The following ETS1 variants were observed in gnomAD, a reference collection of about 807,000 sequenced individuals.
ETS1 encodes the protein ETS proto-oncogene 1, transcription factor, also known as protein C-ets-1.
In ETS1, 15 loss-of-function variants were observed where a neutral mutation model predicts 58.6. The observed-to-expected ratio is 0.26, with a 90% CI of 0.17 to 0.39. The LOEUF (loss-of-function observed/expected upper bound fraction) is 0.39. Among genes scored for constraint, ETS1 ranks in the 10% least tolerant of loss-of-function variants. The probability of loss-of-function intolerance (pLI) is 1.00; values close to 1 mark genes in which losing one functional copy is unlikely to be tolerated. For missense variants in ETS1, 417 were observed against 610.5 expected, an observed-to-expected ratio of 0.68 and a Z score of 3.34; for synonymous variants, 214 against 218.2, an observed-to-expected ratio of 0.98 and a Z score of 0.17.
chr11:128,475,718 GT>G (rs1170093483), intron 8 of ETS1, among the ~76,000 whole-genome samples: 9 of 151,958 alleles, frequency 5.9e-5, no homozygotes, highest in African/African-American at 2.2e-4. Flanking sequence ...CGCCCAGCTA[GT>G]TTTTTGTATT....
At chr11:128,530,850 T>C (rs989424301) in intron 3 of ETS1, among the ~76,000 whole-genome samples, 13 of 152,196 alleles carry the variant, frequency 8.5e-5, no homozygotes, top group African/African-American at 3.1e-4. Context: ...TTCCACAGCA[T>C]TGAGAGAGAC....
intron 8 of ETS1, among the ~76,000 whole-genome samples, chr11:128,465,782 C>T (rs557573112): frequency 2.0e-4 from 31 of 151,284 alleles, no homozygotes; most frequent in African/African-American, 6.3e-4. Flanking sequence ...CTGTGAGTGA[C>T]GCTCTACACT....
rs34050831 is a variant in ETS1 at position 128,480,366 on chromosome 11, T to C, written c.948A>G (p.Ser316=). The change falls in exon 8 of 10, where the codon TCA becomes TCG. Residue 316 remains serine (S), a synonymous_variant. Transcript: ENST00000392668. ...GAACACGCTGCAGGCTGTTGAAAGA[T>C]GACTGGCTGCTCCAGGACTGGGTGA... is the stretch of plus-strand genomic sequence containing the variant. ...DRLTQSWSSQ[S]SFNSLQRVPS... 0.011 allele frequency: 18,072 copies of C among 1,613,998 alleles called. 160 individuals carry two copies. The highest frequency in any genetic ancestry group is 0.043 in the African/African-American group (3,261 of 74,972).
intron 3 of ETS1, among the ~76,000 whole-genome samples, chr11:128,535,020 T>C (rs1218033288): frequency 1.3e-5 from 2 of 152,260 alleles, no homozygotes; most frequent in Admixed American, 1.3e-4. Flanking sequence ...TCCACAATGG[T>C]TGAACAAATT....
chr11:128,502,192 G>A (rs2135483248), intron 3 of ETS1, among the ~76,000 whole-genome samples: 1 of 152,354 alleles, frequency 6.6e-6, no homozygotes, highest in Non-Finnish European at 1.5e-5. Flanking sequence ...GACCCAAGTT[G>A]GGAGGAAGAT....
At chr11:128,471,591 T>C (rs1862188922) in intron 8 of ETS1, among the ~76,000 whole-genome samples, 1 of 152,224 alleles carries the variant, frequency 6.6e-6, no homozygotes, top group Non-Finnish European at 1.5e-5. Context: ...AGTGGGTTTC[T>C]TTATAGCTCT....
At chr11:128,559,636 G>C (rs1244551531) in intron 2 of ETS1, among the ~76,000 whole-genome samples, 1 of 152,074 alleles carries the variant, frequency 6.6e-6, no homozygotes, top group Non-Finnish European at 1.5e-5. Flanking sequence ...CTTTACCAGG[G>C]GATGCTCCTG....
intron 8 of ETS1, among the ~76,000 whole-genome samples, chr11:128,471,932 G>A (rs1305854554): frequency 6.6e-6 from 1 of 152,298 alleles, no homozygotes; most frequent in Non-Finnish European, 1.5e-5. Context: ...GAAATCACTA[G>A]TTAGGTATAA....
chr11:128,504,514 C>T (rs980069083), intron 3 of ETS1, among the ~76,000 whole-genome samples: 1 of 152,222 alleles, frequency 6.6e-6, no homozygotes, highest in Admixed American at 6.5e-5. Flanking sequence ...GAAGGAGGAG[C>T]CAAGCTCTGC....
In ETS1 at chr11:128,536,047, G is replaced by A. The variant is rs80317200; in HGVS notation, c.214+20244C>T. On this transcript the variant is annotated intron_variant, in intron 3 of 9. Transcript: ENST00000392668. The stretch of plus-strand genomic sequence containing the variant: ...CTGTAAAATTAGACTCTGGCTGGCA[G>A]TAAGTTCTTTATTACTCTCCCTTAC... Among the ~76,000 whole-genome samples the A allele has an allele frequency of 5.4e-4, 82 of 152,332 alleles. 1 individual carries two copies. In the East Asian group the frequency reaches 0.015, roughly 27 times the overall value.
In ETS1 at chr11:128,463,884, C is replaced by G; in HGVS notation, c.1124-257G>C. ...ATTTTGATTAACTTAAGGATCGGTTCATTTTTATTGCTAAACAAATTCTAG... is the reference window on the plus strand; with the variant it reads ...ATTTTGATTAACTTAAGGATCGGTTGATTTTTATTGCTAAACAAATTCTAG... On this transcript the variant is annotated intron_variant, in intron 8 of 9. Coordinates refer to ENST00000392668, the MANE Select transcript of ETS1 (RefSeq NM_001143820.2). The surrounding 1 kb of genome is among the most constrained non-coding windows in gnomAD (Gnocchi z 4.1). 3.9e-6 allele frequency: 1 copy of G among 255,664 alleles called. No homozygotes were observed. The highest frequency in any genetic ancestry group is 6.8e-5 in the South Asian group (1 of 14,776). The allele number at this position is 255,664 out of a possible 1,614,324, so 15.8% of individuals were successfully genotyped here.
chr11:128,464,236 A>AG lies in ETS1; in HGVS notation c.1124-610dup, dbSNP rs1861974462. On this transcript the variant is annotated intron_variant, in intron 8 of 9. Coordinates refer to ENST00000392668, the MANE Select transcript of ETS1 (RefSeq NM_001143820.2). This position sits in a 1 kb window ranked among gnomAD's most constrained non-coding sequence, Gnocchi z 4.1. Reference sequence around the variant, plus strand: ...AGTCCACTTACAGGAAAGCACCCAAAGGAAAAAAAAAAAAAAGCATCATTA... The same window carrying AG: ...AGTCCACTTACAGGAAAGCACCCAAAGGGAAAAAAAAAAAAAAGCATCATTA... Among the ~76,000 whole-genome samples the AG allele has an allele frequency of 6.7e-6, 1 of 149,240 alleles. No individual in the cohort carries two copies. Among genetic ancestry groups the AG allele is most frequent in the Non-Finnish European group, 1.5e-5 (1 of 67,642 alleles).
At position 128,489,391 on chromosome 11, in the gene ETS1, T is replaced by C; in HGVS notation, c.434A>G (p.Asn145Ser). ...ACCCAGGGCGCAGAGGGCTGCTCCA[T>C]TCATACAGAACTTCTGGAAGTCTAC... ...KGVDFQKFCM[N>S]GAALCALGKD... The change falls in exon 5 of 10, where the codon AAT (asparagine) becomes AGT (serine). Residue 145 changes from asparagine to serine, a missense_variant. Transcript: ENST00000392668. 2 of 1,614,198 alleles carry C rather than the reference T, an allele frequency of 1.2e-6. No homozygotes were observed. Among genetic ancestry groups the C allele is most frequent in the Middle Eastern group, 1.6e-4 (1 of 6,062 alleles).
At chr11:128,584,320 G>A (rs1241396983) in intron 1 of ETS1, among the ~76,000 whole-genome samples, 1 of 152,210 alleles carries the variant, frequency 6.6e-6, no homozygotes. Flanking sequence ...TTGTGTAAAT[G>A]TCTTAGAGTT....
At chr11:128,575,256 T>A (rs1384117459) in intron 1 of ETS1, among the ~76,000 whole-genome samples, 1 of 152,212 alleles carries the variant, frequency 6.6e-6, no homozygotes, top group East Asian at 1.9e-4. Context: ...AACTAATACA[T>A]GACTAGAACA....
chr11:128,552,119 G>A (rs1864239704), intron 3 of ETS1, among the ~76,000 whole-genome samples: 1 of 152,056 alleles, frequency 6.6e-6, no homozygotes, highest in East Asian at 1.9e-4. Context: ...GCTGGTCTGG[G>A]GACCATGCTT....
At chr11:128,585,485 A>T (rs1865015897) in intron 1 of ETS1, among the ~76,000 whole-genome samples, 1 of 152,226 alleles carries the variant, frequency 6.6e-6, no homozygotes, top group Non-Finnish European at 1.5e-5. Flanking sequence ...ACCAATAATT[A>T]AAATCACAAG....
intron 1 of ETS1, among the ~76,000 whole-genome samples, chr11:128,575,900 T>A (rs1449823844): frequency 1.3e-5 from 2 of 152,242 alleles, no homozygotes; most frequent in Non-Finnish European, 2.9e-5. Context: ...AGCCACATCC[T>A]GAAGCCCACC....
chr11:128,480,614 G>T (rs1352343872), intron 7 of ETS1, among the ~76,000 whole-genome samples, 163 bp from the exon 8 acceptor site: 1 of 152,170 alleles, frequency 6.6e-6, no homozygotes. Context: ...GGGGTCATGG[G>T]TTTACTCTGA....
Sources: allele counts gnomAD v4.1 joint callset (sites outside exome capture counted in the v4.1 genomes callset), GRCh38; gene constraint gnomAD v4.1.1; non-coding constraint Gnocchi (gnomAD v3.1); transcripts MANE v1.5; gene names NCBI Gene and HGNC (gene_info 2026-07-23, HGNC 2026-07-21).